The following CREB5 variants were observed in gnomAD, a reference collection of about 807,000 sequenced individuals.
CREB5 encodes the protein cyclic AMP-responsive element-binding protein 5.
CREB5 carries 19 observed loss-of-function variants against 57.1 expected under a neutral mutation model. The observed-to-expected ratio is 0.33, with a 90% CI of 0.23 to 0.49. CREB5 has a LOEUF of 0.49. Among genes scored for constraint, CREB5 ranks in the 20% least tolerant of loss-of-function variants. The pLI, the probability that CREB5 is intolerant of heterozygous loss-of-function variation, is 0.99. For synonymous variants in CREB5, 238 were observed against 238.3 expected (o/e 1.00, Z 0.01); for missense variants, 579 against 671.6 (o/e 0.86, Z 1.52).
At chr7:28,509,862 G>C (rs549449272) in intron 4 of CREB5, among the ~76,000 whole-genome samples, 1 of 152,186 alleles carries the variant, frequency 6.6e-6, no homozygotes. Flanking sequence ...AGCATCTCAG[G>C]ACACCGCCGT....
Position 28,714,825 on chromosome 7 carries a change from C to T in CREB5, c.465-3928C>T, listed in dbSNP as rs2128744745. On this transcript the variant is annotated intron_variant, in intron 5 of 10. Coordinates refer to ENST00000357727, the MANE Select transcript of CREB5 (RefSeq NM_182898.4). Reference sequence around the variant, plus strand: ...TTGAACAATCCAACATGAGCTCACACATCTTACCTTGTTCCATGCCTCAAT... The same window carrying T: ...TTGAACAATCCAACATGAGCTCACATATCTTACCTTGTTCCATGCCTCAAT... Among the ~76,000 whole-genome samples, 2 of 152,354 alleles carry T rather than the reference C, an allele frequency of 1.3e-5. 1 individual carries two copies. The highest frequency in any genetic ancestry group is 4.1e-4 in the South Asian group (2 of 4,826).
rs369480942 is a variant in CREB5, at chr7:28,721,492, C to T, written c.591+2613C>T. ...ATTTCAAACCTGGTCACAGGGGAGA[C>T]GCTTCCCCTAGAGTTTCTGCCCTGG... is the stretch of plus-strand genomic sequence containing the variant. On this transcript the variant is annotated intron_variant, in intron 6 of 10. Transcript: ENST00000357727. Among the ~76,000 whole-genome samples, 9 of 152,294 alleles carry T rather than the reference C, an allele frequency of 5.9e-5. No individual in the cohort carries two copies. The East Asian group carries it at 7.7e-4, about 13-fold the overall frequency.
intron 1 of CREB5, among the ~76,000 whole-genome samples, chr7:28,477,501 T>C (rs1211138235): frequency 2.0e-5 from 3 of 152,368 alleles, no homozygotes; most frequent in Admixed American, 6.5e-5. Context: ...AGAAATCCTC[T>C]TTCCCTTTTC....
At chr7:28,527,906 A>T (rs1793515663) in intron 4 of CREB5, among the ~76,000 whole-genome samples, 4 of 152,206 alleles carry the variant, frequency 2.6e-5, no homozygotes, top group African/African-American at 9.7e-5. Context: ...ACTTTGCACC[A>T]CTGTAATGGA....
At chr7:28,554,141 C>CCCTTTGCAGAAAA in intron 4 of CREB5, among the ~76,000 whole-genome samples, 1 of 152,192 alleles carries the variant, frequency 6.6e-6, no homozygotes, top group South Asian at 2.1e-4. Flanking sequence ...AGAAATGACA[C>CCCTTTGCAGAAAA]TCTCTAAAAT....
At chr7:28,449,531 C>T (rs575853427) in intron 1 of CREB5, among the ~76,000 whole-genome samples, 1 of 152,338 alleles carries the variant, frequency 6.6e-6, no homozygotes, top group East Asian at 1.9e-4. Flanking sequence ...CCTTTGGCAT[C>T]TGCATAGTTA....
intron 1 of CREB5, among the ~76,000 whole-genome samples, chr7:28,368,495 T>G (rs1189174723): frequency 2.0e-5 from 3 of 152,226 alleles, no homozygotes; most frequent in Non-Finnish European, 4.4e-5. Flanking sequence ...CTTTCATGTT[T>G]GTCTTGCTGT....
intron 5 of CREB5, among the ~76,000 whole-genome samples, chr7:28,687,988 G>C (rs1801038975): frequency 6.6e-6 from 1 of 152,144 alleles, no homozygotes; most frequent in African/African-American, 2.4e-5. Context: ...CTTTCCACTC[G>C]AAAGTTCTAT....
chr7:28,650,205 A>T (rs1214104097), intron 5 of CREB5, among the ~76,000 whole-genome samples: 1 of 152,206 alleles, frequency 6.6e-6, no homozygotes, highest in Admixed American at 6.5e-5. Context: ...AATATTTGTT[A>T]AACACCTTCT....
chr7:28,330,258 A>C (rs1006270868), intron 1 of CREB5, among the ~76,000 whole-genome samples: 1 of 152,176 alleles, frequency 6.6e-6, no homozygotes, highest in African/African-American at 2.4e-5. Context: ...TAAGTGACTC[A>C]AATTTATAGA....
In CREB5 at chr7:28,693,251, A is replaced by T. The variant is rs116822362; in HGVS notation, c.465-25502A>T. Reference sequence around the variant, plus strand: ...GCCCCCAGTGAATGTCAAGGTATCTATTAATGCATAGATTTGATTACTCGT... The same window carrying T: ...GCCCCCAGTGAATGTCAAGGTATCTTTTAATGCATAGATTTGATTACTCGT... On this transcript the variant is annotated intron_variant, in intron 5 of 10. Coordinates refer to ENST00000357727, the MANE Select transcript of CREB5 (RefSeq NM_182898.4). 2.7e-3 allele frequency among the ~76,000 whole-genome samples: 408 copies of T among 152,382 alleles called. 4 individuals are homozygous for T. The highest frequency in any genetic ancestry group is 9.4e-3 in the African/African-American group (390 of 41,594).
chr7:28,423,844 C>A (rs1334291884), intron 1 of CREB5, among the ~76,000 whole-genome samples: 2 of 152,112 alleles, frequency 1.3e-5, no homozygotes, highest in African/African-American at 4.8e-5. Flanking sequence ...AGAAAGGCAC[C>A]CCCTCCTCCC....
intron 7 of CREB5, among the ~76,000 whole-genome samples, chr7:28,778,609 T>G (rs1333518326): frequency 6.6e-6 from 1 of 152,212 alleles, no homozygotes; most frequent in Non-Finnish European, 1.5e-5. Flanking sequence ...ATGAAATGAA[T>G]TCAAATTACT....
upstream of CREB5, among the ~76,000 whole-genome samples, chr7:28,411,878 G>GA (rs1252125912): frequency 6.6e-6 from 1 of 152,120 alleles, no homozygotes; most frequent in Non-Finnish European, 1.5e-5. Context: ...ATCTAGAGAT[G>GA]AAATAGTGTA....
chr7:28,421,236 T>G (rs1221495588), intron 1 of CREB5, among the ~76,000 whole-genome samples: 1 of 152,158 alleles, frequency 6.6e-6, no homozygotes, highest in African/African-American at 2.4e-5. Context: ...AATGAGAACA[T>G]CCAGAAATTT....
chr7:28,421,513 AC>A lies in CREB5; in HGVS notation c.3+8597del. Among the ~76,000 whole-genome samples the A allele has an allele frequency of 2.0e-5, 3 of 152,118 alleles. No homozygotes were observed. The South Asian group carries it at 6.2e-4, about 32-fold the overall frequency. On this transcript the variant is annotated intron_variant, in intron 1 of 10. Coordinates refer to ENST00000357727, the MANE Select transcript of CREB5 (RefSeq NM_182898.4). ...TGGGAAGGTCAAAAATCTAAACAGG[AC>A]TTTTGCACTTTGGGATAATGTAGAC... is the stretch of plus-strand genomic sequence containing the variant.
chr7:28,325,343 T>C (rs1251276203), intron 1 of CREB5, among the ~76,000 whole-genome samples: 1 of 151,746 alleles, frequency 6.6e-6, no homozygotes, highest in African/African-American at 2.4e-5. Flanking sequence ...TGGTCCCAGC[T>C]ACTCGGGAGG....
chr7:28,798,686 T>A (rs1166555883), intron 7 of CREB5, among the ~76,000 whole-genome samples: 1 of 152,192 alleles, frequency 6.6e-6, no homozygotes, highest in Non-Finnish European at 1.5e-5. Context: ...TGAAACTACC[T>A]GTGCGTCAGG....
At position 28,686,232 on chromosome 7, in the gene CREB5, T is replaced by C. The variant is rs756338026; in HGVS notation, c.465-32521T>C. 3.8e-6 allele frequency: 6 copies of C among 1,568,608 alleles called. No homozygotes were observed. In the African/African-American group the frequency reaches 8.1e-5, roughly 21 times the overall value. On this transcript the variant is annotated intron_variant, in intron 5 of 10. Transcript: ENST00000357727. The stretch of plus-strand genomic sequence containing the variant: ...TAATTTTATTTTCTTTTCTCCTGAT[T>C]TTATAGATTTTTTTTGCCCCTACTG...
Sources: allele counts gnomAD v4.1 joint callset (sites outside exome capture counted in the v4.1 genomes callset), GRCh38; gene constraint gnomAD v4.1.1; transcripts MANE v1.5; gene names NCBI Gene and HGNC (gene_info 2026-07-23, HGNC 2026-07-21).